Variants in DYNC1I1 observed in about 807,000 individuals in gnomAD.
DYNC1I1 encodes dynein cytoplasmic 1 intermediate chain 1.
Under a neutral mutation model 86.6 loss-of-function variants are expected in DYNC1I1, and 43 were observed. That is an observed-to-expected ratio of 0.50 (90% CI 0.39 to 0.64). The LOEUF is 0.64. DYNC1I1 is among the 30% of genes least tolerant of loss of function. The pLI, the probability that DYNC1I1 is intolerant of heterozygous loss-of-function variation, is 0.00. For missense variants in DYNC1I1, 604 were observed against 788.8 expected, an observed-to-expected ratio of 0.77 and a Z score of 2.81; for synonymous variants, 262 against 283.7, an observed-to-expected ratio of 0.92 and a Z score of 0.77.
intron 9 of DYNC1I1, among the ~76,000 whole-genome samples, chr7:95,993,622 A>G (rs973517433): frequency 2.0e-5 from 3 of 152,146 alleles, no homozygotes; most frequent in African/African-American, 7.2e-5. Flanking sequence ...GTTTTTTAAT[A>G]AAGAATGATT....
chr7:96,019,516 T>G (rs745963038), intron 10 of DYNC1I1, among the ~76,000 whole-genome samples: 20 of 152,114 alleles, frequency 1.3e-4, no homozygotes, highest in African/African-American at 4.3e-4. Flanking sequence ...CCTGAGCATT[T>G]GAGATTTTTT....
chr7:95,830,264 T>C (rs1795291582), intron 5 of DYNC1I1, among the ~76,000 whole-genome samples: 1 of 152,104 alleles, frequency 6.6e-6, no homozygotes, highest in Non-Finnish European at 1.5e-5. Context: ...TGATGATTTT[T>C]GACATGTATG....
chr7:96,049,632 A>G (rs1789336493), intron 14 of DYNC1I1, among the ~76,000 whole-genome samples: 1 of 152,206 alleles, frequency 6.6e-6, no homozygotes, highest in South Asian at 2.1e-4. Flanking sequence ...TAACATAAGG[A>G]AAAATCCTCC....
At chr7:95,882,176 A>G (rs1790470685) in intron 6 of DYNC1I1, among the ~76,000 whole-genome samples, 1 of 152,102 alleles carries the variant, frequency 6.6e-6, no homozygotes, top group Non-Finnish European at 1.5e-5. Context: ...CTTTTTGTCA[A>G]GAGGATATTG....
intron 1 of DYNC1I1, among the ~76,000 whole-genome samples, chr7:95,783,999 C>T (rs1794063972): frequency 6.6e-6 from 1 of 152,166 alleles, no homozygotes; most frequent in African/African-American, 2.4e-5. Flanking sequence ...TTTTGAAATG[C>T]TTAGTACAAA....
At chr7:95,998,867 T>C (rs1793939055) in intron 10 of DYNC1I1, among the ~76,000 whole-genome samples, 1 of 152,326 alleles carries the variant, frequency 6.6e-6, no homozygotes, top group Non-Finnish European at 1.5e-5. Context: ...ATCAGCTCCA[T>C]GGTGTTTTGT....
intron 16 of DYNC1I1, among the ~76,000 whole-genome samples, chr7:96,096,350 G>A (rs1791005159): frequency 6.6e-6 from 1 of 151,978 alleles, no homozygotes; most frequent in African/African-American, 2.4e-5. Context: ...TGAGATGGCT[G>A]TATGTTCTTA....
At chr7:95,773,418 A>G (rs1793759751) in intron 1 of DYNC1I1, among the ~76,000 whole-genome samples, 1 of 152,110 alleles carries the variant, frequency 6.6e-6, no homozygotes, top group Non-Finnish European at 1.5e-5. Flanking sequence ...TCCCATTCGG[A>G]ATCGCTCTGG....
intron 5 of DYNC1I1, among the ~76,000 whole-genome samples, chr7:95,839,754 AG>A (rs1320900469): frequency 6.6e-5 from 10 of 152,122 alleles, no homozygotes; most frequent in Admixed American, 6.5e-4. Context: ...TGTCAGAACT[AG>A]TGATGGTAAC....
chr7:95,859,954 T>C (rs1562925231), intron 5 of DYNC1I1, among the ~76,000 whole-genome samples: 1 of 152,222 alleles, frequency 6.6e-6, no homozygotes, highest in Non-Finnish European at 1.5e-5. Flanking sequence ...CCACCTGGCA[T>C]TGGTGATGTG....
intron 10 of DYNC1I1, among the ~76,000 whole-genome samples, chr7:96,002,818 TTTTTTTTTGGG>T (rs1794044456): frequency 6.7e-6 from 1 of 149,144 alleles, no homozygotes; most frequent in South Asian, 2.1e-4. Context: ...TTGGTTTTGG[TTTTTTTTTGGG>T]TTTTTTTTGT....
At chr7:96,026,438 T>C (rs1342966845) in intron 10 of DYNC1I1, among the ~76,000 whole-genome samples, 3 of 152,118 alleles carry the variant, frequency 2.0e-5, no homozygotes, top group Non-Finnish European at 4.4e-5. Context: ...TTTTGGGGTT[T>C]TTTTGTTACT....
intron 10 of DYNC1I1, among the ~76,000 whole-genome samples, chr7:96,017,761 A>G (rs1273203434): frequency 2.0e-5 from 3 of 152,150 alleles, no homozygotes; most frequent in Admixed American, 2.0e-4. Context: ...TATTTTGAGG[A>G]ATAGACACAC....
intron 14 of DYNC1I1, among the ~76,000 whole-genome samples, chr7:96,071,051 C>T (rs972276606): frequency 8.5e-5 from 13 of 152,256 alleles, no homozygotes; most frequent in African/African-American, 2.9e-4. Flanking sequence ...CACTACTTGC[C>T]TCTCCTATGT....
chr7:96,048,874 G>C (rs1299216247), intron 14 of DYNC1I1, among the ~76,000 whole-genome samples: 1 of 152,144 alleles, frequency 6.6e-6, no homozygotes, highest in African/African-American at 2.4e-5. Context: ...AAACAGTTAC[G>C]CTTGAAACTT....
intron 16 of DYNC1I1, among the ~76,000 whole-genome samples, chr7:96,088,176 A>T (rs1464136366): frequency 6.6e-6 from 1 of 152,086 alleles, no homozygotes; most frequent in Admixed American, 6.6e-5. Context: ...AAATGGACTT[A>T]TAGGATTAAT....
intron 2 of DYNC1I1, among the ~76,000 whole-genome samples, chr7:95,808,769 C>T (rs1163866624): frequency 2.6e-5 from 4 of 152,170 alleles, no homozygotes; most frequent in Non-Finnish European, 4.4e-5. Flanking sequence ...TGATTACTCT[C>T]CACCAACAGA....
intron 6 of DYNC1I1, among the ~76,000 whole-genome samples, chr7:95,891,912 A>G (rs1423575501): frequency 6.6e-6 from 1 of 151,798 alleles, no homozygotes. Flanking sequence ...TATAGTGGTT[A>G]TTGTCCCCTA....
At chr7:96,052,429 T>C (rs554176096) in intron 14 of DYNC1I1, among the ~76,000 whole-genome samples, 15 of 152,218 alleles carry the variant, frequency 9.9e-5, no homozygotes, top group South Asian at 8.3e-4. Context: ...TAGTTAGTAC[T>C]CTCTAGCTGT....
Sources: allele counts gnomAD v4.1 joint callset (sites outside exome capture counted in the v4.1 genomes callset), GRCh38; gene constraint gnomAD v4.1.1; transcripts MANE v1.5; gene names NCBI Gene and HGNC (gene_info 2026-07-23, HGNC 2026-07-21).